SDK2: variants seen among roughly 807,000 people sequenced by gnomAD.
SDK2 encodes the protein protein sidekick-2.
SDK2 carries 105 observed loss-of-function variants against 253.9 expected under a neutral mutation model. The observed-to-expected ratio is 0.41, with a 90% confidence interval of 0.35 to 0.49. The LOEUF (loss-of-function observed/expected upper bound fraction) is 0.49. SDK2 is among the 20% of genes least tolerant of loss of function. The pLI is 0.06. For synonymous variants in SDK2, 1,249 were observed against 1,234.9 expected (o/e 1.01, Z -0.24); for missense variants, 2,608 against 3,003.0 (o/e 0.87, Z 3.07).
chr17:73,622,784 A>G (rs1295482725), intron 1 of SDK2, among the ~76,000 whole-genome samples: 4 of 152,234 alleles, frequency 2.6e-5, no homozygotes, highest in Non-Finnish European at 1.5e-5. Flanking sequence ...CAGATGCCCA[A>G]TGCCTGCATG....
chr17:73,344,472 AG>A (rs1208736924), intron 44 of SDK2, among the ~76,000 whole-genome samples: 1 of 152,186 alleles, frequency 6.6e-6, no homozygotes, highest in Non-Finnish European at 1.5e-5. Flanking sequence ...AGCTGGCTCT[AG>A]ATTTGAATCC....
chr17:73,577,093 C>T (rs1277823365), intron 1 of SDK2, among the ~76,000 whole-genome samples: 1 of 152,176 alleles, frequency 6.6e-6, no homozygotes, highest in Admixed American at 6.5e-5. Flanking sequence ...AGGACACGGA[C>T]TGGATATGGA....
At chr17:73,380,233 C>A (rs953561741) in intron 34 of SDK2, among the ~76,000 whole-genome samples, 2 of 152,130 alleles carry the variant, frequency 1.3e-5, no homozygotes, top group African/African-American at 2.4e-5. Flanking sequence ...AGGGGTGTCA[C>A]CCTTGCCTAG....
At chr17:73,626,751 C>A (rs552412472) in intron 1 of SDK2, among the ~76,000 whole-genome samples, 4 of 152,170 alleles carry the variant, frequency 2.6e-5, no homozygotes, top group African/African-American at 9.7e-5. Flanking sequence ...AGGAAGACAG[C>A]GATGGAATGG....
chr17:73,467,126 T>G lies in SDK2; in HGVS notation c.331+4986A>C, dbSNP rs371473365. 1.3e-5 allele frequency among the ~76,000 whole-genome samples: 2 copies of G among 152,040 alleles called. No homozygotes were observed. Among genetic ancestry groups the G allele is most frequent in the South Asian group, 2.1e-4 (1 of 4,816 alleles). ...CCACCCCACCCGCTGGCACTAGACA[T>G]TCACCCTAGGTGGGAGACCCTGTGC... On this transcript the variant is annotated intron_variant, in intron 3 of 44. Transcript: ENST00000392650. This position sits in a 1 kb window ranked among gnomAD's most constrained non-coding sequence, Gnocchi z 4.1.
At chr17:73,363,866 GA>G (rs2062661927) in intron 38 of SDK2, among the ~76,000 whole-genome samples, 1 of 152,064 alleles carries the variant, frequency 6.6e-6, no homozygotes, top group Non-Finnish European at 1.5e-5. Context: ...CCCTGCACCT[GA>G]CTGGATCTCC....
intron 2 of SDK2, among the ~76,000 whole-genome samples, chr17:73,494,673 G>A (rs923126273): frequency 1.3e-5 from 2 of 152,208 alleles, no homozygotes; most frequent in African/African-American, 4.8e-5. Context: ...TCGCTGCCCA[G>A]CACCAGCACT....
intron 1 of SDK2, among the ~76,000 whole-genome samples, chr17:73,576,001 G>A (rs929280970): frequency 2.6e-5 from 4 of 152,210 alleles, no homozygotes; most frequent in African/African-American, 9.7e-5. Flanking sequence ...GATGACTTCA[G>A]CAAAAGACAC....
intron 2 of SDK2, among the ~76,000 whole-genome samples, chr17:73,494,570 C>T (rs1349580876): frequency 2.0e-5 from 3 of 152,300 alleles, no homozygotes; most frequent in South Asian, 2.1e-4. Context: ...ATCTTTTTTC[C>T]GCCTTTCCCC....
Position 73,442,252 on chromosome 17 carries a change from A to C in SDK2, c.614-1329T>G, listed in dbSNP as rs1255627354. On this transcript the variant is annotated intron_variant, in intron 5 of 44. Coordinates refer to ENST00000392650, the MANE Select transcript of SDK2 (RefSeq NM_001144952.2). ...GACCATACTGGCTTCCCAATCTGGGACTTCCAGCCTCCAGGATGGTGGGAG... is the reference window on the plus strand; with the variant it reads ...GACCATACTGGCTTCCCAATCTGGGCCTTCCAGCCTCCAGGATGGTGGGAG... 4.6e-5 allele frequency among the ~76,000 whole-genome samples: 7 copies of C among 152,190 alleles called. No homozygotes were observed. In the East Asian group the frequency reaches 1.3e-3, roughly 29 times the overall value.
In SDK2 at chr17:73,419,062, C is replaced by T. The variant is rs149281848; in HGVS notation, c.2186+104G>A. 1.6e-3 allele frequency: 2,183 copies of T among 1,328,292 alleles called. 27 individuals are homozygous for T. In the African/African-American group the frequency reaches 0.027, roughly 16 times the overall value. The allele number at this position is 1,328,292 out of a possible 1,614,324, so 82.3% of individuals were successfully genotyped here. A position where few individuals can be genotyped will look rare whatever the true frequency, so the allele number is the denominator to read the frequency against. Reference sequence around the variant, plus strand: ...TTGTTACCTAGTCCTTCCTAGATGGCGAAGGGCCTGCCATGAATTTGCACT... The same window carrying T: ...TTGTTACCTAGTCCTTCCTAGATGGTGAAGGGCCTGCCATGAATTTGCACT... On this transcript the variant is annotated intron_variant, in intron 16 of 44. Coordinates refer to ENST00000392650, the MANE Select transcript of SDK2 (RefSeq NM_001144952.2).
At chr17:73,362,811 A>G (rs1007200168) in intron 38 of SDK2, among the ~76,000 whole-genome samples, 2 of 152,210 alleles carry the variant, frequency 1.3e-5, no homozygotes, top group African/African-American at 4.8e-5. Context: ...CGCGAATCCA[A>G]ATACTCCTGA....
chr17:73,488,690 A>G (rs2063785025), intron 2 of SDK2, among the ~76,000 whole-genome samples: 1 of 151,912 alleles, frequency 6.6e-6, no homozygotes, highest in Non-Finnish European at 1.5e-5. Flanking sequence ...CCGCAAGCAC[A>G]CTGGGAGCCT....
intron 1 of SDK2, among the ~76,000 whole-genome samples, chr17:73,631,323 G>C (rs2046267669): frequency 6.6e-6 from 1 of 152,140 alleles, no homozygotes. Context: ...ACTCCAAATG[G>C]GGAAGTCAAG....
chr17:73,444,001 A>G (rs1473692291), intron 5 of SDK2, among the ~76,000 whole-genome samples: 1 of 152,166 alleles, frequency 6.6e-6, no homozygotes, highest in East Asian at 1.9e-4. Context: ...TCGTGGGGTT[A>G]ATGAATGAAA....
In SDK2 at chr17:73,466,723, C is replaced by CCCA. The variant is rs1555584439; in HGVS notation, c.331+5388_331+5389insTGG. Reference sequence around the variant, plus strand: ...TGGAGGCTCTGGGGAACGCCCCCCCCCCCCGGCTTAGGCTCTGCATCTTTG... The same window carrying CCCA: ...TGGAGGCTCTGGGGAACGCCCCCCCCCCACCCCGGCTTAGGCTCTGCATCTTTG... On this transcript the variant is annotated intron_variant, in intron 3 of 44. Coordinates refer to ENST00000392650, the MANE Select transcript of SDK2 (RefSeq NM_001144952.2). Among the ~76,000 whole-genome samples, 6 of 146,890 alleles carry CCCA rather than the reference C, an allele frequency of 4.1e-5. 1 individual carries two copies. The highest frequency in any genetic ancestry group is 7.6e-5 in the Non-Finnish European group (5 of 65,748).
Position 73,352,582 on chromosome 17 carries a change from G to A in SDK2, c.5649C>T (p.Tyr1883=). The change falls in exon 41 of 45, where the codon TAC becomes TAT. Residue 1883 remains tyrosine, a synonymous_variant. Coordinates refer to ENST00000392650, the MANE Select transcript of SDK2 (RefSeq NM_001144952.2). This position sits in a 1 kb window ranked among gnomAD's most constrained non-coding sequence, Gnocchi z 4.1. ...GCTTCAGGATGTCCATGCTGAACGT[G>A]TAGGAGCTCACCTCCTTGGGGATGT... ...IKDIPKEVSS[Y]TFSMDILKPG... 2 of 1,614,046 alleles carry A rather than the reference G, an allele frequency of 1.2e-6. No homozygotes were observed. Among genetic ancestry groups the A allele is most frequent in the Non-Finnish European group, 1.7e-6 (2 of 1,179,890 alleles).
intron 1 of SDK2, among the ~76,000 whole-genome samples, chr17:73,512,538 A>AACACAC (rs1223713482): frequency 2.5e-4 from 37 of 146,068 alleles, no homozygotes; most frequent in African/African-American, 9.0e-4. Context: ...CTTCACCTCA[A>AACACAC]ACACACACAC....
chr17:73,472,729 C>T (rs1300703653), intron 2 of SDK2, among the ~76,000 whole-genome samples: 2 of 152,184 alleles, frequency 1.3e-5, no homozygotes, highest in Admixed American at 1.3e-4. Context: ...AAATCTCATC[C>T]TGTAGCTCGC....
Sources: gnomAD v4.1 joint callset for allele counts (sites outside exome capture counted in the v4.1 genomes callset) on GRCh38, gnomAD v4.1.1 for gene constraint, Gnocchi (gnomAD v3.1) non-coding constraint, MANE v1.5 for transcripts, NCBI Gene and HGNC (gene_info 2026-07-23, HGNC 2026-07-21) for gene names.